Variants in PDE11A observed in about 807,000 individuals in gnomAD.
PDE11A encodes the protein phosphodiesterase 11A.
Under a neutral mutation model 100.5 loss-of-function variants are expected in PDE11A, and 100 were observed. That is an observed-to-expected ratio of 1.00 (90% CI 0.85 to 1.18). The LOEUF is 1.18. Ranked by LOEUF, PDE11A falls within the 50% of genes most tolerant of loss-of-function variation. The pLI is 0.00. For synonymous variants in PDE11A, 381 were observed against 420.8 expected (o/e 0.91, Z 1.16); for missense variants, 1,141 against 1,152.6 (o/e 0.99, Z 0.15).
chr2:178,033,805 C>T (rs562233611), intron 1 of PDE11A, among the ~76,000 whole-genome samples: 4 of 152,116 alleles, frequency 2.6e-5, no homozygotes, highest in South Asian at 2.1e-4. Context: ...CCAAACTAAG[C>T]TTCATAAGGA....
intron 1 of PDE11A, among the ~76,000 whole-genome samples, chr2:178,064,496 G>A (rs912716374): frequency 6.6e-6 from 1 of 152,122 alleles, no homozygotes; most frequent in Admixed American, 6.5e-5. Flanking sequence ...TTCTCCTTTT[G>A]TAAAATGGGT....
chr2:177,820,373 A>G lies in PDE11A; in HGVS notation c.1501-78T>C. The stretch of plus-strand genomic sequence containing the variant: ...GATTTACATTTTTTCCATTTTTCAT[A>G]ACAGATATTCAAAAATAACTTTTTA... On this transcript the variant is annotated intron_variant, in intron 6 of 19. Coordinates refer to ENST00000286063, the MANE Select transcript of PDE11A (RefSeq NM_016953.4). 4.7e-6 allele frequency: 4 copies of G among 851,904 alleles called. No individual in the cohort carries two copies. The South Asian group carries it at 5.7e-5, about 12-fold the overall frequency. The allele number at this position is 851,904 out of a possible 1,614,324, so 52.8% of individuals were successfully genotyped here.
intron 9 of PDE11A, among the ~76,000 whole-genome samples, chr2:177,775,630 C>T (rs1261164555): frequency 6.6e-6 from 1 of 152,212 alleles, no homozygotes; most frequent in Non-Finnish European, 1.5e-5. Flanking sequence ...GTCTTCTACA[C>T]ACTTGGCCAC....
chr2:178,046,055 A>G (rs2086746468), intron 1 of PDE11A, among the ~76,000 whole-genome samples: 1 of 152,220 alleles, frequency 6.6e-6, no homozygotes, highest in Non-Finnish European at 1.5e-5. Context: ...TACTAAACCT[A>G]TTCAAGTCTA....
At chr2:177,914,387 A>G (rs78530524) in intron 2 of PDE11A, among the ~76,000 whole-genome samples, 9,307 of 152,220 alleles carry the variant, frequency 0.061, 343 homozygotes, top group South Asian at 0.15. Flanking sequence ...TTATGGCTCC[A>G]TAAACTTGGC....
intron 2 of PDE11A, among the ~76,000 whole-genome samples, chr2:178,095,148 A>C (rs761288411): frequency 6.6e-6 from 1 of 152,136 alleles, no homozygotes; most frequent in Non-Finnish European, 1.5e-5. Flanking sequence ...CATTAACTCA[A>C]AAGTCCATAG....
At chr2:178,102,160 T>C (rs1302307560) in intron 2 of PDE11A, among the ~76,000 whole-genome samples, 1 of 151,640 alleles carries the variant, frequency 6.6e-6, no homozygotes, top group Non-Finnish European at 1.5e-5. Context: ...AAAGTCTTGC[T>C]CTGTTGCCCC....
At chr2:177,826,849 G>T (rs187623133) in intron 6 of PDE11A, among the ~76,000 whole-genome samples, 35 of 152,260 alleles carry the variant, frequency 2.3e-4, no homozygotes, top group African/African-American at 6.7e-4. Flanking sequence ...CTCAGGAAAG[G>T]TTCTCAAACT....
At chr2:177,750,255 C>A (rs1402523075) in intron 10 of PDE11A, among the ~76,000 whole-genome samples, 1 of 152,096 alleles carries the variant, frequency 6.6e-6, no homozygotes, top group Non-Finnish European at 1.5e-5. Context: ...TCTTTGGGGG[C>A]AATTTATAAC....
chr2:178,079,787 A>T (rs922804383), intron 2 of PDE11A, among the ~76,000 whole-genome samples: 2 of 151,994 alleles, frequency 1.3e-5, no homozygotes, highest in African/African-American at 4.8e-5. Context: ...TTCTCCACAA[A>T]CTCGCTAGCA....
intron 9 of PDE11A, among the ~76,000 whole-genome samples, chr2:177,773,737 T>C (rs902062118): frequency 6.6e-6 from 1 of 152,158 alleles, no homozygotes; most frequent in South Asian, 2.1e-4. Context: ...TAAAGAATCT[T>C]TCAACTACCT....
chr2:177,942,649 G>A (rs1324107243), intron 2 of PDE11A, among the ~76,000 whole-genome samples: 1 of 152,002 alleles, frequency 6.6e-6, no homozygotes, highest in Non-Finnish European at 1.5e-5. Context: ...TGATCCACCC[G>A]CCTCGGCCTC....
chr2:178,068,760 G>GA (rs1250494533), intron 1 of PDE11A, among the ~76,000 whole-genome samples: 2 of 152,100 alleles, frequency 1.3e-5, no homozygotes, highest in Non-Finnish European at 2.9e-5. Flanking sequence ...AAGGATGGAG[G>GA]AAAATGCTAG....
intron 9 of PDE11A, among the ~76,000 whole-genome samples, chr2:177,785,694 T>A (rs928653389): frequency 1.3e-5 from 2 of 152,186 alleles, no homozygotes; most frequent in South Asian, 2.1e-4. Flanking sequence ...AATACTGCGC[T>A]TTTCCGACGG....
chr2:178,071,997 T>C lies in PDE11A; in HGVS notation c.441A>G (p.Glu147=). The change falls in exon 1 of 20, where the codon GAA becomes GAG. Residue 147 remains glutamate, a synonymous_variant. Coordinates refer to ENST00000286063, the MANE Select transcript of PDE11A (RefSeq NM_016953.4). The stretch of plus-strand genomic sequence containing the variant: ...CCCTCCGTCGTACACTACTCAGGGG[T>C]TCCTGAGCCCGGGAGGTCACCTGTT... The part of the protein sequence containing the change: ...YDEQVTSRAQ[E]PLSSVRRRAL... 3.1e-6 allele frequency: 5 copies of C among 1,613,588 alleles called. No homozygotes were observed. The highest frequency in any genetic ancestry group is 4.2e-6 in the Non-Finnish European group (5 of 1,179,712).
intron 9 of PDE11A, among the ~76,000 whole-genome samples, chr2:177,793,166 C>G (rs2082655910): frequency 6.6e-6 from 1 of 152,172 alleles, no homozygotes; most frequent in Non-Finnish European, 1.5e-5. Flanking sequence ...CAGGGCCTTT[C>G]AGGCGGATAA....
chr2:177,890,013 G>A (rs2084505178), intron 4 of PDE11A, among the ~76,000 whole-genome samples: 2 of 152,100 alleles, frequency 1.3e-5, no homozygotes, highest in South Asian at 4.1e-4. Context: ...GGTGAAGTCA[G>A]GGGAATGATT....
chr2:177,674,347 A>C (rs1300190820), intron 17 of PDE11A, among the ~76,000 whole-genome samples: 1 of 152,236 alleles, frequency 6.6e-6, no homozygotes, highest in Non-Finnish European at 1.5e-5. Flanking sequence ...GGAGTTCTAC[A>C]TCAGTTCACT....
At chr2:177,874,060 G>C (rs143388952) in intron 5 of PDE11A, among the ~76,000 whole-genome samples, 127 of 152,124 alleles carry the variant, frequency 8.3e-4, no homozygotes, top group Non-Finnish European at 1.6e-3. Flanking sequence ...CATTAGATTT[G>C]GGAAACATTA....
Sources: allele counts gnomAD v4.1 joint callset (sites outside exome capture counted in the v4.1 genomes callset), GRCh38; gene constraint gnomAD v4.1.1; transcripts MANE v1.5; gene names NCBI Gene and HGNC (gene_info 2026-07-23, HGNC 2026-07-21).